PIGX: variants seen among roughly 807,000 people sequenced by gnomAD.
The protein encoded by PIGX is GPI alpha-1,4-mannosyltransferase I, stabilizing subunit.
Under a neutral mutation model 28.7 loss-of-function variants are expected in PIGX, and 24 were observed. The observed-to-expected ratio is 0.84, with a 90% CI of 0.60 to 1.17. PIGX has a LOEUF of 1.17. Ranked by LOEUF, PIGX falls within the 50% of genes most tolerant of loss-of-function variation. The pLI, the probability that PIGX is intolerant of heterozygous loss-of-function variation, is 0.00. For synonymous variants in PIGX, 127 were observed against 121.0 expected (o/e 1.05, Z -0.33); for missense variants, 305 against 317.8 (o/e 0.96, Z 0.31).
Position 196,728,154 on chromosome 3 carries a change from T to TAGAA in PIGX, c.532+18_532+19insAGAA. The TAGAA allele has an allele frequency of 6.3e-7, 1 of 1,596,350 alleles. No individual in the cohort carries two copies. Among genetic ancestry groups the TAGAA allele is most frequent in the Non-Finnish European group, 8.6e-7 (1 of 1,164,416 alleles). On this transcript the variant is annotated intron_variant, in intron 4 of 5. Coordinates refer to ENST00000392391, the MANE Select transcript of PIGX (RefSeq NM_017861.4). ...TGACCAAGGTGAGGGCTGCAAGTGT[T>TAGAA]TTCTAAGGGTTGAAACATCAGAATA...
At chr3:196,728,984 A>G (rs1025563252) in intron 4 of PIGX, among the ~76,000 whole-genome samples, 4 of 152,020 alleles carry the variant, frequency 2.6e-5, no homozygotes. Context: ...GTGAGTTTTT[A>G]ATTTTGCTGC....
chr3:196,728,206 G>T, intron 4 of PIGX, 70 bp downstream of exon 4: 3 of 1,269,412 alleles, frequency 2.4e-6, no homozygotes, highest in Non-Finnish European at 3.4e-6. Context: ...TCCTCCTTCT[G>T]CTAGGCTGGC....
At chr3:196,720,778 A>G (rs1712291322) in intron 2 of PIGX, among the ~76,000 whole-genome samples, 1 of 151,844 alleles carries the variant, frequency 6.6e-6, no homozygotes, top group African/African-American at 2.4e-5. Flanking sequence ...TTATGTTTCT[A>G]TCTAGTATCA....
chr3:196,717,300 C>CAAAAAAAAA (rs55850813), intron 2 of PIGX, among the ~76,000 whole-genome samples: 3 of 120,898 alleles, frequency 2.5e-5, no homozygotes, highest in Non-Finnish European at 5.1e-5. Context: ...GACTCTGTCT[C>CAAAAAAAAA]AAAAAAAGAA....
At position 196,712,580 on chromosome 3, in the gene PIGX, C is replaced by G; in HGVS notation, c.48C>G (p.Leu16=). Residue 16 remains leucine (L), a synonymous_variant, in exon 1 of 6, where the codon CTC becomes CTG. Coordinates refer to ENST00000392391, the MANE Select transcript of PIGX (RefSeq NM_017861.4). ...TTCGGGCGGCCGCCTGGCTGCTCCT[C>G]GGGGCGGCGACCGGGCTCACGCGCG... 1 of 1,190,006 alleles carries G rather than the reference C, an allele frequency of 8.4e-7. No homozygotes were observed. Among genetic ancestry groups the G allele is most frequent in the Non-Finnish European group, 1.0e-6 (1 of 961,028 alleles). The allele number at this position is 1,190,006 out of a possible 1,614,324, so 73.7% of individuals were successfully genotyped here. A position where few individuals can be genotyped will look rare whatever the true frequency, so the allele number is the denominator to read the frequency against.
At chr3:196,715,240 A>G (rs1466338952) in intron 1 of PIGX, among the ~76,000 whole-genome samples, 1 of 152,204 alleles carries the variant, frequency 6.6e-6, no homozygotes, top group East Asian at 1.9e-4. Flanking sequence ...TTTTCAGTGA[A>G]ATGTAACTAG....
chr3:196,721,447 T>C (rs969435364), intron 2 of PIGX: 2 of 169,090 alleles, frequency 1.2e-5, no homozygotes, highest in African/African-American at 4.8e-5. Context: ...CTCTTTTTTT[T>C]TTCTTGAGAC....
intron 3 of PIGX, 128 bp downstream of exon 3, chr3:196,722,684 C>A: frequency 1.2e-6 from 1 of 810,084 alleles, no homozygotes; most frequent in South Asian, 1.5e-5. Flanking sequence ...TAGAGATAGA[C>A]TGGGCATAGT....
intron 5 of PIGX, among the ~76,000 whole-genome samples, chr3:196,732,826 A>C (rs1314757454): frequency 6.6e-6 from 1 of 152,178 alleles, no homozygotes; most frequent in African/African-American, 2.4e-5. Context: ...CTTATTTTTA[A>C]AGTATAAACT....
At chr3:196,723,247 C>T (rs1027603103) in intron 3 of PIGX, among the ~76,000 whole-genome samples, 13 of 151,934 alleles carry the variant, frequency 8.6e-5, no homozygotes, top group Non-Finnish European at 1.6e-4. Flanking sequence ...AGGCTGAGGC[C>T]GGAGAATCAC....
At chr3:196,715,671 C>G (rs1348927056) in intron 1 of PIGX, among the ~76,000 whole-genome samples, 3 of 152,000 alleles carry the variant, frequency 2.0e-5, no homozygotes, top group Non-Finnish European at 4.4e-5. Flanking sequence ...ATATAGTTTT[C>G]TGTATGTGTT....
Position 196,712,563 on chromosome 3 carries a change from G to T in PIGX, c.31G>T (p.Ala11Ser). The change falls in exon 1 of 6, where the codon GCC becomes TCC. Residue 11 changes from alanine to serine, a missense_variant. Coordinates refer to ENST00000392391, the MANE Select transcript of PIGX (RefSeq NM_017861.4). ...GGCTCGGGTGGCGGCGGTTCGGGCGGCCGCCTGGCTGCTCCTCGGGGCGGC... is the reference window on the plus strand; with the variant it reads ...GGCTCGGGTGGCGGCGGTTCGGGCGTCCGCCTGGCTGCTCCTCGGGGCGGC... The T allele has an allele frequency of 8.4e-7, 1 of 1,184,904 alleles. No individual in the cohort carries two copies. Among genetic ancestry groups the T allele is most frequent in the Non-Finnish European group, 1.0e-6 (1 of 957,718 alleles). 73.4% of individuals were successfully genotyped at this position (1,184,904 alleles called of 1,614,324 possible).
At chr3:196,729,666 C>T (rs1423490748) in intron 4 of PIGX, among the ~76,000 whole-genome samples, 4 of 150,108 alleles carry the variant, frequency 2.7e-5, no homozygotes, top group South Asian at 2.2e-4. Context: ...GGATTACAGG[C>T]GTGAGCCACA....
intron 3 of PIGX, among the ~76,000 whole-genome samples, chr3:196,722,877 T>C (rs1712376352): frequency 6.6e-6 from 1 of 152,230 alleles, no homozygotes; most frequent in Non-Finnish European, 1.5e-5. Context: ...GAATGACATA[T>C]ACCCCAACAT....
intron 2 of PIGX, among the ~76,000 whole-genome samples, chr3:196,720,558 T>C (rs1181372405): frequency 6.6e-6 from 1 of 152,232 alleles, no homozygotes; most frequent in Non-Finnish European, 1.5e-5. Context: ...GAAGTGGAAT[T>C]GCTGGATCAT....
At position 196,733,708 on chromosome 3, in the gene PIGX, G is replaced by C. The variant is rs748785212; in HGVS notation, c.634-51G>C. 7.2e-7 allele frequency: 1 copy of C among 1,393,014 alleles called. No individual in the cohort carries two copies. The highest frequency in any genetic ancestry group is 1.7e-5 in the Admixed American group (1 of 59,214). 86.3% of individuals were successfully genotyped at this position (1,393,014 alleles called of 1,614,324 possible). ...GATTACAGGCATGAGCTACCACACC[G>C]GGCCCATGACATGCATTTTCAATGT... On this transcript the variant is annotated intron_variant, in intron 5 of 5. Coordinates refer to ENST00000392391, the MANE Select transcript of PIGX (RefSeq NM_017861.4). The surrounding 1 kb of genome is among the most constrained non-coding windows in gnomAD (Gnocchi z 4.3).
At chr3:196,723,616 C>CTTT (rs537275236) in intron 3 of PIGX, among the ~76,000 whole-genome samples, 1 of 135,072 alleles carries the variant, frequency 7.4e-6, no homozygotes, top group East Asian at 2.1e-4. Flanking sequence ...CAGATGATTT[C>CTTT]TTTTTTTTTT....
rs755004221 is a variant in PIGX, at chr3:196,722,514, T to C, written c.276T>C (p.Asp92=). 6.2e-7 allele frequency: 1 copy of C among 1,613,744 alleles called. No homozygotes were observed. Among genetic ancestry groups the C allele is most frequent in the Non-Finnish European group, 8.5e-7 (1 of 1,179,700 alleles). ...ACATTCCTGCAGGACTTTATGTGGA[T>C]CCGTATGAGTTGGCTTCATTACGAG... is the stretch of plus-strand genomic sequence containing the variant. The change falls in exon 3 of 6, where the codon GAT becomes GAC. Residue 92 remains aspartate, a synonymous_variant. Transcript: ENST00000392391.
At chr3:196,732,662 G>C (rs1397519863) in intron 5 of PIGX, among the ~76,000 whole-genome samples, 1 of 152,076 alleles carries the variant, frequency 6.6e-6, no homozygotes, top group African/African-American at 2.4e-5. Flanking sequence ...AAGGATTGTT[G>C]AAGATGTCAT....
Sources: gnomAD v4.1 joint callset for allele counts (sites outside exome capture counted in the v4.1 genomes callset) on GRCh38, gnomAD v4.1.1 for gene constraint, Gnocchi (gnomAD v3.1) non-coding constraint, MANE v1.5 for transcripts, NCBI Gene and HGNC (gene_info 2026-07-23, HGNC 2026-07-21) for gene names.